ADAMTS3: variants seen among roughly 807,000 people sequenced by gnomAD.
The protein encoded by ADAMTS3 is ADAM metallopeptidase with thrombospondin type 1 motif 3, also known as A disintegrin and metalloproteinase with thrombospondin motifs 3.
In ADAMTS3, 73 loss-of-function variants were observed where a neutral mutation model predicts 129.0. The ratio of observed to expected loss-of-function variants is 0.57; its 90% CI spans 0.47 to 0.69. The LOEUF is 0.69. Ranked by LOEUF, ADAMTS3 falls within the 30% of genes least tolerant of loss-of-function variation. The pLI, the probability that ADAMTS3 is intolerant of heterozygous loss-of-function variation, is 0.00. For missense variants in ADAMTS3, 1,457 were observed against 1,514.5 expected, an observed-to-expected ratio of 0.96 and a Z score of 0.63; for synonymous variants, 477 against 510.8, an observed-to-expected ratio of 0.93 and a Z score of 0.89.
At chr4:72,368,478 T>G (rs1248274321) in intron 4 of ADAMTS3, among the ~76,000 whole-genome samples, 1 of 152,142 alleles carries the variant, frequency 6.6e-6, no homozygotes, top group Non-Finnish European at 1.5e-5. Flanking sequence ...ATTGATAGAG[T>G]CTAGATTCTA....
chr4:72,297,140 C>G (rs1718830652), intron 18 of ADAMTS3, among the ~76,000 whole-genome samples: 1 of 151,982 alleles, frequency 6.6e-6, no homozygotes, highest in Non-Finnish European at 1.5e-5. Context: ...AAAAATTACC[C>G]TGTAAATTAA....
intron 3 of ADAMTS3, among the ~76,000 whole-genome samples, chr4:72,423,425 T>A: frequency 6.6e-6 from 1 of 152,130 alleles, no homozygotes; most frequent in Admixed American, 6.6e-5. Flanking sequence ...TCGCTAAGGT[T>A]CTCTAAAAAC....
chr4:72,322,466 T>A (rs141997267), intron 6 of ADAMTS3, among the ~76,000 whole-genome samples: 141 of 152,302 alleles, frequency 9.3e-4, no homozygotes, highest in Non-Finnish European at 1.7e-3. Context: ...ACTCTTTGCT[T>A]TTGAAAAAAT....
intron 4 of ADAMTS3, among the ~76,000 whole-genome samples, chr4:72,398,538 G>A (rs761784063): frequency 3.3e-5 from 5 of 152,148 alleles, no homozygotes; most frequent in Non-Finnish European, 5.9e-5. Flanking sequence ...TCGTGCCACT[G>A]CACTCCAGCC....
rs78317365 is a variant in ADAMTS3 at position 72,302,122 on chromosome 4, C to T, written c.2424+1795G>A. ...CAGAATGATCTGACAATAACTTAAC[C>T]GCCTGCCAGAACAAAACCAGACACC... On this transcript the variant is annotated intron_variant, in intron 17 of 21. Coordinates refer to ENST00000286657, the MANE Select transcript of ADAMTS3 (RefSeq NM_014243.3). 9.4e-3 allele frequency among the ~76,000 whole-genome samples: 1,432 copies of T among 151,952 alleles called. 26 individuals carry two copies. Among genetic ancestry groups the T allele is most frequent in the African/African-American group, 0.032 (1,342 of 41,412 alleles).
chr4:72,469,209 T>C (rs1316051369), intron 3 of ADAMTS3, among the ~76,000 whole-genome samples: 1 of 152,122 alleles, frequency 6.6e-6, no homozygotes, highest in Non-Finnish European at 1.5e-5. Context: ...AGAAGACAGA[T>C]ATAGTAACAG....
intron 4 of ADAMTS3, among the ~76,000 whole-genome samples, chr4:72,389,523 A>G (rs2109890724): frequency 6.7e-6 from 1 of 148,280 alleles, no homozygotes; most frequent in South Asian, 2.1e-4. Context: ...TAAAAGATGA[A>G]AAAAACAAAA....
rs1719535575 is a variant in ADAMTS3 at position 72,320,858 on chromosome 4, T to C, written c.958A>G (p.Ile320Val). 2 of 1,613,676 alleles carry C rather than the reference T, an allele frequency of 1.2e-6. No individual in the cohort carries two copies. Among genetic ancestry groups the C allele is most frequent in the Non-Finnish European group, 1.7e-6 (2 of 1,179,664 alleles). ...CTTCTGGATGGGTTTCCCCTTTCTATGAGGCTGATGGACTAAGTGAAAACA... is the reference window on the plus strand; with the variant it reads ...CTTCTGGATGGGTTTCCCCTTTCTACGAGGCTGATGGACTAAGTGAAAACA... ...MLGYAKSISL[I>V]ERGNPSRSLE... is the part of the protein sequence containing the mutation. Residue 320 changes from isoleucine to valine, a missense_variant, in exon 7 of 22, where the codon ATA (isoleucine) becomes GTA (valine). Ile to Val is a conservative substitution (Grantham distance 29). Coordinates refer to ENST00000286657, the MANE Select transcript of ADAMTS3 (RefSeq NM_014243.3).
chr4:72,319,710 G>A lies in ADAMTS3; in HGVS notation c.1208+148C>T, dbSNP rs1338539656. 7.7e-6 allele frequency: 6 copies of A among 781,224 alleles called. No homozygotes were observed. The East Asian group carries it at 1.6e-4, about 21-fold the overall frequency. The allele number at this position is 781,224 out of a possible 1,614,324, so 48.4% of individuals were successfully genotyped here. On this transcript the variant is annotated intron_variant, in intron 8 of 21. Coordinates refer to ENST00000286657, the MANE Select transcript of ADAMTS3 (RefSeq NM_014243.3). ...AGTCACTCATTTAGTTTCCGTGCAT[G>A]ACCTCTTCTCTGTTTGCAGCTCTTC...
intron 3 of ADAMTS3, among the ~76,000 whole-genome samples, chr4:72,486,505 T>C (rs1030172829): frequency 1.3e-5 from 2 of 152,208 alleles, no homozygotes; most frequent in African/African-American, 2.4e-5. Context: ...ATCAGGCCTC[T>C]GAAGCAAGAG....
chr4:72,518,361 T>G (rs541610399), intron 3 of ADAMTS3, among the ~76,000 whole-genome samples: 2 of 152,324 alleles, frequency 1.3e-5, no homozygotes, highest in Non-Finnish European at 2.9e-5. Flanking sequence ...GTACACTTGG[T>G]GCAGAGCTGA....
At chr4:72,294,538 CA>C (rs770561206) in intron 19 of ADAMTS3, among the ~76,000 whole-genome samples, 3 of 151,976 alleles carry the variant, frequency 2.0e-5, no homozygotes, top group Admixed American at 6.6e-5. Flanking sequence ...ATGCATACAT[CA>C]AAACATTACA....
chr4:72,444,240 C>T (rs144864010), intron 3 of ADAMTS3, among the ~76,000 whole-genome samples: 2 of 151,790 alleles, frequency 1.3e-5, no homozygotes, highest in South Asian at 2.1e-4. Context: ...TTCACTGCTA[C>T]CCTCACCAAA....
intron 19 of ADAMTS3, among the ~76,000 whole-genome samples, chr4:72,291,742 T>TTA (rs1301971833): frequency 1.3e-5 from 2 of 151,994 alleles, no homozygotes; most frequent in African/African-American, 4.8e-5. Context: ...GAAGCATGAT[T>TTA]TATAGTCCTT....
intron 2 of ADAMTS3, among the ~76,000 whole-genome samples, chr4:72,564,465 T>A (rs1268769552): frequency 6.6e-6 from 1 of 152,026 alleles, no homozygotes; most frequent in Non-Finnish European, 1.5e-5. Context: ...ATGTCAATGA[T>A]CTCATGAAAC....
At chr4:72,457,052 T>A (rs766070056) in intron 3 of ADAMTS3, among the ~76,000 whole-genome samples, 1 of 151,694 alleles carries the variant, frequency 6.6e-6, no homozygotes, top group South Asian at 2.1e-4. Context: ...ATTTTTTTCT[T>A]CTTCTATGAT....
At chr4:72,336,998 G>A (rs1318576876) in intron 5 of ADAMTS3, among the ~76,000 whole-genome samples, 3 of 152,068 alleles carry the variant, frequency 2.0e-5, no homozygotes, top group Admixed American at 2.0e-4. Flanking sequence ...TTAAGTATAT[G>A]CAATTGTATG....
At chr4:72,327,565 A>G (rs1371252347) in intron 5 of ADAMTS3, among the ~76,000 whole-genome samples, 1 of 152,200 alleles carries the variant, frequency 6.6e-6, no homozygotes, top group East Asian at 1.9e-4. Context: ...TATAGAGGAC[A>G]GATGTTCTCA....
At chr4:72,526,325 C>A (rs1239094010) in intron 3 of ADAMTS3, among the ~76,000 whole-genome samples, 1 of 152,026 alleles carries the variant, frequency 6.6e-6, no homozygotes, top group African/African-American at 2.4e-5. Context: ...TTTTCACTAG[C>A]CCTAATGAAA....
Sources: gnomAD v4.1 joint callset for allele counts (sites outside exome capture counted in the v4.1 genomes callset) on GRCh38, gnomAD v4.1.1 for gene constraint, MANE v1.5 for transcripts, NCBI Gene and HGNC (gene_info 2026-07-23, HGNC 2026-07-21) for gene names.